The following VIM variants were observed in gnomAD, a reference collection of about 807,000 sequenced individuals.
VIM encodes epididymis secretory sperm binding protein.
VIM carries 18 observed loss-of-function variants against 50.3 expected under a neutral mutation model. The ratio of observed to expected loss-of-function variants is 0.36; its 90% CI spans 0.25 to 0.53. VIM has a LOEUF of 0.53. VIM is among the 20% of genes least tolerant of loss of function. The pLI is 0.91. For synonymous variants in VIM, 245 were observed against 248.5 expected (o/e 0.99, Z 0.13); for missense variants, 551 against 614.7 (o/e 0.90, Z 1.10).
Position 17,229,649 on chromosome 10 carries a change from G to C in VIM, c.227G>C (p.Gly76Ala). The C allele has an allele frequency of 6.4e-7, 1 of 1,567,106 alleles. No individual in the cohort carries two copies. Among genetic ancestry groups the C allele is most frequent in the East Asian group, 2.4e-5 (1 of 41,810 alleles). The change falls in exon 2 of 10, where the codon GGG becomes GCG. Residue 76 changes from glycine (G) to alanine (A), a missense_variant. Gly to Ala is a moderately conservative substitution (Grantham distance 60, BLOSUM62 0). Around this residue, in one of 3 missense-constraint regions of VIM, gnomAD observed 134 missense variants for 126.4 expected, o/e 1.06. Transcript: ENST00000544301. The stretch of plus-strand genomic sequence containing the variant: ...GTGCGCCTGCGGAGCAGCGTGCCCG[G>C]GGTGCGGCTCCTGCAGGACTCGGTG... ...SAVRLRSSVP[G>A]VRLLQDSVDF...
In VIM at chr10:17,229,589, C is replaced by A. The variant is rs773938980; in HGVS notation, c.167C>A (p.Ser56Tyr). The A allele has an allele frequency of 7.5e-6, 12 of 1,606,144 alleles. No individual in the cohort carries two copies. Among genetic ancestry groups the A allele is most frequent in the Non-Finnish European group, 9.3e-6 (11 of 1,177,236 alleles). ...ACCAGCCGCAGCCTCTACGCCTCGT[C>A]CCCGGGCGGCGTGTATGCCACGCGC... ...PSTSRSLYAS[S>Y]PGGVYATRSS... is the part of the protein sequence containing the mutation. Residue 56 changes from serine to tyrosine, a missense_variant, in exon 2 of 10, where the codon TCC (serine) becomes TAC (tyrosine). Physicochemically the swap from Ser to Tyr is moderately radical, Grantham distance 144. Coordinates refer to ENST00000544301, the MANE Select transcript of VIM (RefSeq NM_003380.5).
At chr10:17,237,006 T>C (rs2131684844) in intron 9 of VIM, among the ~76,000 whole-genome samples, 1 of 152,336 alleles carries the variant, frequency 6.6e-6, no homozygotes, top group South Asian at 2.1e-4. Context: ...GAAATTTCTT[T>C]TTGTAAGTTA....
In VIM at chr10:17,237,529, C is replaced by CTT; in HGVS notation, c.*267_*268dup. The CTT allele has an allele frequency of 1.9e-5, 7 of 366,754 alleles. No individual in the cohort carries two copies. Among genetic ancestry groups the CTT allele is most frequent in the East Asian group, 4.5e-5 (1 of 22,280 alleles). The allele number at this position is 366,754 out of a possible 1,614,324, so 22.7% of individuals were successfully genotyped here. On this transcript the variant is annotated 3_prime_UTR_variant, in exon 10 of 10. Coordinates refer to ENST00000544301, the MANE Select transcript of VIM (RefSeq NM_003380.5). ...GGTATTTTGAATACCATTAAAACTGCTTTTTTTTTTCCAGCAAGTATCCAA... is the reference window on the plus strand; with the variant it reads ...GGTATTTTGAATACCATTAAAACTGCTTTTTTTTTTTTCCAGCAAGTATCCAA...
rs148312332 is a variant in VIM, at chr10:17,234,547, G to A, written c.883-146G>A. On this transcript the variant is annotated intron_variant, in intron 5 of 9. Transcript: ENST00000544301. ...GTGAACTCTGAAAATACTAATGTCAGTACTCCACTGCTCTTTCCCTGGCTT... is the reference window on the plus strand; with the variant it reads ...GTGAACTCTGAAAATACTAATGTCAATACTCCACTGCTCTTTCCCTGGCTT... The A allele has an allele frequency of 1.4e-4, 163 of 1,126,814 alleles. No homozygotes were observed. The African/African-American group carries it at 1.9e-3, about 13-fold the overall frequency. 69.8% of individuals were successfully genotyped at this position (1,126,814 alleles called of 1,614,324 possible).
At chr10:17,233,291 G>A (rs544790998) in intron 3 of VIM, 1 of 393,352 alleles carries the variant, frequency 2.5e-6, no homozygotes, top group East Asian at 6.0e-5. Flanking sequence ...TGTGGATTCA[G>A]TCATGATTGA....
chr10:17,230,754 A>G, intron 3 of VIM, 44 bp downstream of exon 3: 1 of 1,610,230 alleles, frequency 6.2e-7, no homozygotes, highest in South Asian at 1.1e-5. Flanking sequence ...GACCCCACCC[A>G]ACACAACCCA....
At chr10:17,235,442 C>T (rs1277742988) in intron 7 of VIM, 53 bp downstream of exon 7, 3 of 1,578,694 alleles carry the variant, frequency 1.9e-6, no homozygotes, top group African/African-American at 2.7e-5. Context: ...TTGTTAGGCC[C>T]TGTGCCACTG....
intron 3 of VIM, among the ~76,000 whole-genome samples, chr10:17,231,511 T>A (rs1388511540): frequency 6.6e-6 from 1 of 152,236 alleles, no homozygotes; most frequent in Non-Finnish European, 1.5e-5. Context: ...TGCAACAGGC[T>A]ACATTCTTAC....
chr10:17,232,997 G>A (rs1001057234), intron 3 of VIM, among the ~76,000 whole-genome samples: 1 of 152,182 alleles, frequency 6.6e-6, no homozygotes, highest in African/African-American at 2.4e-5. Context: ...GCCCAGGCTG[G>A]AGTGCAGTGG....
At position 17,229,551 on chromosome 10, in the gene VIM, G is replaced by C; in HGVS notation, c.129G>C (p.Ala43=). Residue 43 remains alanine, a synonymous_variant, in exon 2 of 10, where the codon GCG becomes GCC. Transcript: ENST00000544301. ...CCCGCACCTACAGCCTGGGCAGCGCGCTGCGCCCCAGCACCAGCCGCAGCC... is the reference window on the plus strand; with the variant it reads ...CCCGCACCTACAGCCTGGGCAGCGCCCTGCGCCCCAGCACCAGCCGCAGCC... ...TSTRTYSLGS[A]LRPSTSRSLY... is the part of the protein sequence containing the mutation. The C allele has an allele frequency of 6.2e-7, 1 of 1,607,836 alleles. No homozygotes were observed. Among genetic ancestry groups the C allele is most frequent in the Non-Finnish European group, 8.5e-7 (1 of 1,178,798 alleles).
chr10:17,231,025 A>G (rs1846784139), intron 3 of VIM: 1 of 343,802 alleles, frequency 2.9e-6, no homozygotes, highest in Admixed American at 4.4e-5. Flanking sequence ...ATGATTTCTA[A>G]GCAGTTCCTT....
intron 7 of VIM, 184 bp from the exon 8 acceptor site, chr10:17,235,662 A>G: frequency 2.8e-6 from 2 of 719,126 alleles, no homozygotes; most frequent in South Asian, 3.4e-5. Flanking sequence ...AAATGCTTGT[A>G]GTAACATATT....
At chr10:17,228,636 C>T (rs1284763859) in intron 1 of VIM, 112 bp downstream of exon 1, 2 of 152,646 alleles carry the variant, frequency 1.3e-5, no homozygotes, top group East Asian at 1.9e-4. Context: ...CGTTAGGTCC[C>T]TCGACAGAAC....
Position 17,235,193 on chromosome 10 carries a change from C to G in VIM, c.1033C>G (p.Arg345Gly), listed in dbSNP as rs775627643. 2 of 1,614,216 alleles carry G rather than the reference C, an allele frequency of 1.2e-6. No homozygotes were observed. The highest frequency in any genetic ancestry group is 1.3e-5 in the African/African-American group (1 of 75,056). ...GTNESLERQM[R>G]EMEENFAVEA... is the part of the protein sequence containing the mutation. ...GAATGAGTCCCTGGAACGCCAGATG[C>G]GTGAAATGGAAGAGAACTTTGCCGT... The change falls in exon 7 of 10, where the codon CGT becomes GGT. Residue 345 changes from arginine to glycine, a missense_variant. By Grantham distance (125) the Arg-to-Gly change is moderately radical (BLOSUM62 -2). Coordinates refer to ENST00000544301, the MANE Select transcript of VIM (RefSeq NM_003380.5).
chr10:17,236,948 G>A (rs1369543448), intron 9 of VIM, among the ~76,000 whole-genome samples: 2 of 152,172 alleles, frequency 1.3e-5, no homozygotes, highest in Non-Finnish European at 2.9e-5. Context: ...AAACTTGGCT[G>A]TATTGTGTAC....
intron 3 of VIM, among the ~76,000 whole-genome samples, chr10:17,231,787 T>C (rs151766): frequency 0.013 from 1,911 of 146,346 alleles, 20 homozygotes; most frequent in Non-Finnish European, 0.019. Context: ...TTTTTTTTTT[T>C]CACCAAAATT....
Position 17,229,651 on chromosome 10 carries a change from G to A in VIM, c.229G>A (p.Val77Met), listed in dbSNP as rs184701100. ...GCGCCTGCGGAGCAGCGTGCCCGGG[G>A]TGCGGCTCCTGCAGGACTCGGTGGA... ...AVRLRSSVPGVRLLQDSVDFS... is the reference protein window; with the variant it reads ...AVRLRSSVPGMRLLQDSVDFS... The change falls in exon 2 of 10, where the codon GTG becomes ATG. Residue 77 changes from valine (V) to methionine (M), a missense_variant. Physicochemically the swap from Val to Met is conservative, Grantham distance 21 (BLOSUM62 1). Coordinates refer to ENST00000544301, the MANE Select transcript of VIM (RefSeq NM_003380.5). 1.0e-5 allele frequency: 16 copies of A among 1,566,002 alleles called. No homozygotes were observed. In the East Asian group the frequency reaches 3.4e-4, roughly 33 times the overall value.
rs1347149833 is a variant in VIM, at chr10:17,229,365, C to G, written c.-58C>G. 1.6e-5 allele frequency: 24 copies of G among 1,535,928 alleles called. No homozygotes were observed. In the East Asian group the frequency reaches 4.6e-4, roughly 30 times the overall value. On this transcript the variant is annotated 5_prime_UTR_variant, in exon 2 of 10. Coordinates refer to ENST00000544301, the MANE Select transcript of VIM (RefSeq NM_003380.5). ...CCCACCGCGCCCTCGTTCGCCTCTT[C>G]TCCGGGAGCCAGTCCGCGCCACCGC...
At chr10:17,233,962 A>C (rs1372779276) in intron 5 of VIM, 31 bp downstream of exon 5, 1 of 1,594,576 alleles carries the variant, frequency 6.3e-7, no homozygotes, top group Admixed American at 1.8e-5. Flanking sequence ...GCTTCAACCA[A>C]AGAAAAGCAT....
Sources: gnomAD v4.1 joint callset for allele counts (sites outside exome capture counted in the v4.1 genomes callset) on GRCh38, gnomAD v4.1.1 for gene constraint, gnomAD v4.1.1 regional missense constraint, MANE v1.5 for transcripts, NCBI Gene and HGNC (gene_info 2026-07-23, HGNC 2026-07-21) for gene names.